Variants in SYNDIG1 observed in about 807,000 individuals in gnomAD.
The protein encoded by SYNDIG1 is synapse differentiation-inducing gene protein 1.
SYNDIG1 carries 9 observed loss-of-function variants against 19.4 expected under a neutral mutation model. That is an observed-to-expected ratio of 0.46 (90% CI 0.28 to 0.81). SYNDIG1 has a LOEUF of 0.81. Ranked by LOEUF, SYNDIG1 falls within the 30% of genes least tolerant of loss-of-function variation. The pLI is 0.12. For synonymous variants in SYNDIG1, 141 were observed against 145.9 expected (o/e 0.97, Z 0.24); for missense variants, 311 against 343.3 (o/e 0.91, Z 0.74).
chr20:24,583,607 C>T (rs1003966069), intron 2 of SYNDIG1, among the ~76,000 whole-genome samples: 1 of 152,140 alleles, frequency 6.6e-6, no homozygotes, highest in Non-Finnish European at 1.5e-5. Flanking sequence ...AGGAAAGAGC[C>T]CAGCCAGTGG....
chr20:24,609,155 ACT>A (rs1361030604), intron 3 of SYNDIG1, among the ~76,000 whole-genome samples: 1 of 151,946 alleles, frequency 6.6e-6, no homozygotes, highest in Non-Finnish European at 1.5e-5. Flanking sequence ...ATGCTTCACT[ACT>A]CTGGAGGTGG....
chr20:24,609,580 G>A (rs1391860501), intron 3 of SYNDIG1, among the ~76,000 whole-genome samples: 5 of 152,170 alleles, frequency 3.3e-5, no homozygotes, highest in Admixed American at 6.5e-5. Context: ...CAGTGAATTC[G>A]GAAATAAATG....
chr20:24,536,344 G>A (rs2057360948), intron 1 of SYNDIG1, among the ~76,000 whole-genome samples: 2 of 152,184 alleles, frequency 1.3e-5, no homozygotes, highest in South Asian at 4.1e-4. Context: ...CAGAGGCAGG[G>A]AGGAGTTGGG....
At chr20:24,595,103 G>A (rs555863130) in intron 3 of SYNDIG1, among the ~76,000 whole-genome samples, 9 of 152,176 alleles carry the variant, frequency 5.9e-5, no homozygotes, top group African/African-American at 2.2e-4. Context: ...TTCTCAAGGG[G>A]GATGCTTCCA....
At chr20:24,577,618 G>T (rs1364150472) in intron 2 of SYNDIG1, among the ~76,000 whole-genome samples, 1 of 152,218 alleles carries the variant, frequency 6.6e-6, no homozygotes. Flanking sequence ...TGTCTGCCAA[G>T]ACCAGAGAAC....
At chr20:24,567,099 G>T (rs1014510212) in intron 2 of SYNDIG1, among the ~76,000 whole-genome samples, 1 of 152,138 alleles carries the variant, frequency 6.6e-6, no homozygotes, top group Non-Finnish European at 1.5e-5. Flanking sequence ...CAGGGTCCTT[G>T]TCTGTCTCAC....
rs756849769 is a variant in SYNDIG1 at position 24,585,013 on chromosome 20, T to C, written c.618+20T>C. 26 of 1,549,594 alleles carry C rather than the reference T, an allele frequency of 1.7e-5. No individual in the cohort carries two copies. The highest frequency in any genetic ancestry group is 1.8e-6 in the Non-Finnish European group (2 of 1,142,608). ...CATGAGGTAAGGCCTCCTTGGTCTG[T>C]CGCACGTGGTGTGCAGGTGTTCACA... On this transcript the variant is annotated intron_variant, in intron 3 of 3. Coordinates refer to ENST00000376862, the MANE Select transcript of SYNDIG1 (RefSeq NM_024893.3).
intron 1 of SYNDIG1, among the ~76,000 whole-genome samples, chr20:24,527,967 C>T (rs980622700): frequency 6.6e-6 from 1 of 152,186 alleles, no homozygotes; most frequent in African/African-American, 2.4e-5. Flanking sequence ...TCTATCTTGT[C>T]TTTCTACAAG....
chr20:24,622,614 T>C (rs1363985105), intron 3 of SYNDIG1, among the ~76,000 whole-genome samples: 2 of 152,192 alleles, frequency 1.3e-5, no homozygotes, highest in Non-Finnish European at 2.9e-5. Context: ...CTTATGAGAA[T>C]CTAATGCCTG....
intron 3 of SYNDIG1, among the ~76,000 whole-genome samples, chr20:24,622,733 A>C (rs1427309120): frequency 1.3e-5 from 2 of 152,232 alleles, no homozygotes; most frequent in Non-Finnish European, 2.9e-5. Context: ...GTTGGCAACC[A>C]CTAGTGTAAC....
At chr20:24,615,691 G>A (rs1239766142) in intron 3 of SYNDIG1, among the ~76,000 whole-genome samples, 3 of 152,108 alleles carry the variant, frequency 2.0e-5, no homozygotes, top group Admixed American at 6.5e-5. Flanking sequence ...TGCTGTCCCC[G>A]AAACAGGCGC....
chr20:24,489,020 A>T (rs556287373), intron 1 of SYNDIG1, among the ~76,000 whole-genome samples: 1 of 152,292 alleles, frequency 6.6e-6, no homozygotes, highest in African/African-American at 2.4e-5. Flanking sequence ...TGGTCTTGGC[A>T]AGTCTAAGCT....
chr20:24,600,112 C>A (rs1181052737), intron 3 of SYNDIG1, among the ~76,000 whole-genome samples: 1 of 152,162 alleles, frequency 6.6e-6, no homozygotes, highest in Non-Finnish European at 1.5e-5. Context: ...TAATTTCTTT[C>A]ATATGTCTTC....
chr20:24,520,386 T>A (rs2056978749), intron 1 of SYNDIG1, among the ~76,000 whole-genome samples: 1 of 152,162 alleles, frequency 6.6e-6, no homozygotes, highest in African/African-American at 2.4e-5. Flanking sequence ...AGTGTAGAAC[T>A]AACTTACATC....
chr20:24,639,704 G>T (rs1197444111), intron 3 of SYNDIG1, among the ~76,000 whole-genome samples: 1 of 152,098 alleles, frequency 6.6e-6, no homozygotes, highest in African/African-American at 2.4e-5. Context: ...GAAAAAACAG[G>T]GTGAAAACAT....
chr20:24,637,607 A>G (rs947662136), intron 3 of SYNDIG1, among the ~76,000 whole-genome samples: 1 of 152,216 alleles, frequency 6.6e-6, no homozygotes, highest in Non-Finnish European at 1.5e-5. Flanking sequence ...TGTGATACAG[A>G]TCAAGTCACT....
intron 2 of SYNDIG1, among the ~76,000 whole-genome samples, chr20:24,580,445 C>G (rs2058303197): frequency 6.6e-6 from 1 of 152,154 alleles, no homozygotes; most frequent in South Asian, 2.1e-4. Flanking sequence ...GAGCCTCACT[C>G]TGTTGCCCCG....
At chr20:24,519,232 A>C (rs2056952658) in intron 1 of SYNDIG1, among the ~76,000 whole-genome samples, 1 of 152,188 alleles carries the variant, frequency 6.6e-6, no homozygotes. Flanking sequence ...TACAAGATGG[A>C]CCACGATACT....
At chr20:24,638,954 C>T (rs2059344970) in intron 3 of SYNDIG1, among the ~76,000 whole-genome samples, 1 of 152,150 alleles carries the variant, frequency 6.6e-6, no homozygotes, top group Non-Finnish European at 1.5e-5. Flanking sequence ...GAGATGGCAA[C>T]CTGGACTGGA....
Sources: allele counts gnomAD v4.1 joint callset (sites outside exome capture counted in the v4.1 genomes callset), GRCh38; gene constraint gnomAD v4.1.1; transcripts MANE v1.5; gene names NCBI Gene and HGNC (gene_info 2026-07-23, HGNC 2026-07-21).